ZDHHC21: variants seen among roughly 807,000 people sequenced by gnomAD.
The protein encoded by ZDHHC21 is zDHHC palmitoyltransferase 21, also known as palmitoyltransferase ZDHHC21.
In ZDHHC21, 15 loss-of-function variants were observed where a neutral mutation model predicts 34.6. That is an observed-to-expected ratio of 0.43 (90% CI 0.29 to 0.67). The LOEUF is 0.67. Ranked by LOEUF, ZDHHC21 falls within the 30% of genes least tolerant of loss-of-function variation. The pLI, the probability that ZDHHC21 is intolerant of heterozygous loss-of-function variation, is 0.14. For missense variants in ZDHHC21, 344 were observed against 327.7 expected, an observed-to-expected ratio of 1.05 and a Z score of -0.38; for synonymous variants, 142 against 101.8, an observed-to-expected ratio of 1.40 and a Z score of -2.38.
At chr9:14,598,900 C>T in the ZDHHC21 span, among the ~76,000 whole-genome samples, 1 of 150,768 alleles carries the variant, frequency 6.6e-6, no homozygotes, top group Non-Finnish European at 1.5e-5. Flanking sequence ...GGACCACAAG[C>T]ATGTGACATC....
intron 5 of ZDHHC21, among the ~76,000 whole-genome samples, chr9:14,665,047 T>C (rs1162710521): frequency 1.2e-5 from 1 of 86,360 alleles, no homozygotes; most frequent in African/African-American, 4.4e-5. Flanking sequence ...ATCAAATTAC[T>C]CTGAGCTACG....
intron 5 of ZDHHC21, among the ~76,000 whole-genome samples, chr9:14,669,963 C>T (rs992406693): frequency 6.7e-6 from 1 of 149,772 alleles, no homozygotes; most frequent in Non-Finnish European, 1.5e-5. Flanking sequence ...ATGTAACTAA[C>T]CTGCACAATG....
the ZDHHC21 span, among the ~76,000 whole-genome samples, chr9:14,595,509 A>C: frequency 1.3e-5 from 2 of 152,202 alleles, no homozygotes; most frequent in Non-Finnish European, 2.9e-5. Flanking sequence ...GGGTCTTTCT[A>C]AGGTGATGGA....
rs1823439854 is a variant in ZDHHC21, at chr9:14,612,335, A to C, written c.*6631T>G. On this transcript the variant is annotated 3_prime_UTR_variant, in exon 10 of 10. Transcript: ENST00000380916. The stretch of plus-strand genomic sequence containing the variant: ...ATGTGAATGTCTGCCTTTCCAATAT[A>C]CACACTGTCACCTTCTTGCCAGAAT... 1 of 152,000 alleles carries C rather than the reference A, an allele frequency of 6.6e-6. No homozygotes were observed. The highest frequency in any genetic ancestry group is 2.4e-5 in the African/African-American group (1 of 41,432). 9.4% of individuals were successfully genotyped at this position (152,000 alleles called of 1,614,324 possible).
intron 8 of ZDHHC21, among the ~76,000 whole-genome samples, chr9:14,632,276 T>A (rs1409483139): frequency 6.6e-6 from 1 of 151,976 alleles, no homozygotes; most frequent in African/African-American, 2.4e-5. Context: ...TACAGATAAA[T>A]AAAATAGAGT....
chr9:14,652,208 T>C (rs1831354088), intron 7 of ZDHHC21, among the ~76,000 whole-genome samples: 1 of 151,992 alleles, frequency 6.6e-6, no homozygotes, highest in South Asian at 2.1e-4. Flanking sequence ...ATGCATTTTT[T>C]ACACTGAGAA....
the ZDHHC21 span, among the ~76,000 whole-genome samples, chr9:14,599,050 A>T: frequency 6.6e-6 from 1 of 152,192 alleles, no homozygotes; most frequent in Non-Finnish European, 1.5e-5. Flanking sequence ...GATGTGAGCC[A>T]CCTCACCCAT....
At chr9:14,666,099 A>G (rs1365564262) in intron 5 of ZDHHC21, among the ~76,000 whole-genome samples, 1 of 148,998 alleles carries the variant, frequency 6.7e-6, no homozygotes, top group African/African-American at 2.5e-5. Context: ...GTATTCAGGA[A>G]ACCCATCTCA....
intron 1 of ZDHHC21, among the ~76,000 whole-genome samples, chr9:14,690,678 A>C (rs992510889): frequency 2.0e-5 from 3 of 152,188 alleles, no homozygotes; most frequent in African/African-American, 7.2e-5. Flanking sequence ...CAAAACAAAC[A>C]CATAAAGTAC....
At chr9:14,650,174 C>A (rs990278013) in intron 7 of ZDHHC21, among the ~76,000 whole-genome samples, 9 of 151,732 alleles carry the variant, frequency 5.9e-5, no homozygotes, top group Non-Finnish European at 8.8e-5. Context: ...GATATACTGA[C>A]AAATGGAATT....
At chr9:14,621,576 G>A (rs1434564454) in intron 8 of ZDHHC21, among the ~76,000 whole-genome samples, 3 of 152,066 alleles carry the variant, frequency 2.0e-5, no homozygotes, top group African/African-American at 7.2e-5. Context: ...TAGGATTTGT[G>A]AGGCTGGCCC....
intron 5 of ZDHHC21, among the ~76,000 whole-genome samples, chr9:14,662,949 G>T (rs866943778): frequency 6.6e-6 from 1 of 152,140 alleles, no homozygotes; most frequent in African/African-American, 2.4e-5. Flanking sequence ...AGTGAAAAAT[G>T]TTATAAGACA....
rs1823725451 is a variant in ZDHHC21 at position 14,613,786 on chromosome 9, T to A, written c.*5180A>T. 1 of 151,822 alleles carries A rather than the reference T, an allele frequency of 6.6e-6. No homozygotes were observed. The allele number at this position is 151,822 out of a possible 1,614,324, so 9.4% of individuals were successfully genotyped here. ...GTGACAAAATTTTCTATACACTCAG[T>A]ATCTTTTCTTTGCAATAAGAGATTT... On this transcript the variant is annotated 3_prime_UTR_variant, in exon 10 of 10. Coordinates refer to ENST00000380916, the MANE Select transcript of ZDHHC21 (RefSeq NM_178566.6).
At chr9:14,684,360 G>C (rs962641808) in intron 2 of ZDHHC21, among the ~76,000 whole-genome samples, 26 of 151,276 alleles carry the variant, frequency 1.7e-4, no homozygotes, top group Admixed American at 5.9e-4. Context: ...AAAGTCTCAG[G>C]ATACAAAATC....
At chr9:14,629,410 T>C (rs1586941579) in intron 8 of ZDHHC21, among the ~76,000 whole-genome samples, 2 of 152,296 alleles carry the variant, frequency 1.3e-5, no homozygotes, top group Non-Finnish European at 1.5e-5. Context: ...TCAAACCTGA[T>C]ACACAAAAAC....
chr9:14,591,624 T>A, the ZDHHC21 span, among the ~76,000 whole-genome samples: 1 of 152,180 alleles, frequency 6.6e-6, no homozygotes, highest in African/African-American at 2.4e-5. Flanking sequence ...AGTCAGCAGT[T>A]CTAAAACTGG....
At chr9:14,661,081 T>A (rs568167150) in intron 6 of ZDHHC21, among the ~76,000 whole-genome samples, 1 of 152,200 alleles carries the variant, frequency 6.6e-6, no homozygotes, top group Non-Finnish European at 1.5e-5. Flanking sequence ...AGGCACAGTT[T>A]TGAATATCAA....
chr9:14,596,849 T>C, the ZDHHC21 span, among the ~76,000 whole-genome samples: 4 of 152,138 alleles, frequency 2.6e-5, no homozygotes, highest in South Asian at 2.1e-4. Flanking sequence ...AGATCACACA[T>C]TGAATACAGC....
chr9:14,646,028 C>T (rs981307075), intron 7 of ZDHHC21, among the ~76,000 whole-genome samples: 6 of 152,052 alleles, frequency 3.9e-5, no homozygotes, highest in Non-Finnish European at 7.4e-5. Context: ...ACTTAACCTT[C>T]GAACACCAGC....
Sources: gnomAD v4.1 joint callset for allele counts (sites outside exome capture counted in the v4.1 genomes callset) on GRCh38, gnomAD v4.1.1 for gene constraint, MANE v1.5 for transcripts, NCBI Gene and HGNC (gene_info 2026-07-23, HGNC 2026-07-21) for gene names.